OCA2: variants seen among roughly 807,000 people sequenced by gnomAD.
OCA2 encodes OCA2 melanosomal transmembrane protein, also known as P protein.
OCA2 carries 77 observed loss-of-function variants against 100.2 expected under a neutral mutation model. The observed-to-expected ratio is 0.77, with a 90% CI of 0.64 to 0.93. OCA2 has a LOEUF of 0.93. Ranked by LOEUF, OCA2 falls within the 40% of genes least tolerant of loss-of-function variation. The pLI is 0.00. For synonymous variants in OCA2, 432 were observed against 439.2 expected, an observed-to-expected ratio of 0.98 and a Z score of 0.21; for missense variants, 1,062 against 1,089.1, an observed-to-expected ratio of 0.98 and a Z score of 0.35.
At chr15:27,817,695 GATC>G (rs2034356576) in intron 23 of OCA2, among the ~76,000 whole-genome samples, 1 of 152,142 alleles carries the variant, frequency 6.6e-6, no homozygotes, top group African/African-American at 2.4e-5. Flanking sequence ...GGCGCCCTGT[GATC>G]ATTAAACTGT....
intron 14 of OCA2, among the ~76,000 whole-genome samples, chr15:27,977,898 G>A (rs906249617): frequency 2.6e-5 from 4 of 152,176 alleles, no homozygotes; most frequent in African/African-American, 9.6e-5. Context: ...CCCTCACCAG[G>A]GAATGAGATC....
At chr15:27,952,628 C>CCTTT (rs936733329) in intron 17 of OCA2, among the ~76,000 whole-genome samples, 6 of 151,956 alleles carry the variant, frequency 3.9e-5, no homozygotes, top group African/African-American at 1.5e-4. Context: ...TGCACCAGGT[C>CCTTT]CTTTCTCTTT....
the OCA2 span, among the ~76,000 whole-genome samples, chr15:27,741,469 C>T: frequency 4.8e-4 from 73 of 152,216 alleles, no homozygotes; most frequent in African/African-American, 1.4e-3. Flanking sequence ...CGTGACCCCA[C>T]GGTTGAGCAG....
At chr15:27,859,153 G>A (rs1450920832) in intron 21 of OCA2, among the ~76,000 whole-genome samples, 3 of 151,944 alleles carry the variant, frequency 2.0e-5, no homozygotes, top group Non-Finnish European at 4.4e-5. Context: ...AAAGCTAGTA[G>A]AATGAGGGAA....
chr15:27,902,668 C>G (rs2037998293), intron 19 of OCA2, among the ~76,000 whole-genome samples: 1 of 152,150 alleles, frequency 6.6e-6, no homozygotes, highest in Admixed American at 6.5e-5. Flanking sequence ...ACACAAAGAG[C>G]TAGTGTGAAG....
intron 23 of OCA2, among the ~76,000 whole-genome samples, chr15:27,829,281 A>AT (rs2034855129): frequency 1.3e-5 from 1 of 74,984 alleles, no homozygotes; most frequent in Non-Finnish European, 2.1e-5. Context: ...AAGATAGATG[A>AT]TAGATAGATA....
At chr15:27,794,036 C>A (rs747317531) in intron 23 of OCA2, among the ~76,000 whole-genome samples, 1 of 152,210 alleles carries the variant, frequency 6.6e-6, no homozygotes, top group African/African-American at 2.4e-5. Flanking sequence ...ACAGAAAATT[C>A]TCTCTAGAGA....
chr15:28,029,700 T>C (rs1458947510), intron 3 of OCA2, among the ~76,000 whole-genome samples: 2 of 152,184 alleles, frequency 1.3e-5, no homozygotes, highest in African/African-American at 4.8e-5. Context: ...GTTCCTGCTG[T>C]CAACACCCTT....
At chr15:27,870,302 T>C (rs2036495352) in intron 21 of OCA2, among the ~76,000 whole-genome samples, 1 of 152,004 alleles carries the variant, frequency 6.6e-6, no homozygotes, top group African/African-American at 2.4e-5. Context: ...CCATGGGGAG[T>C]GCTCACCAGG....
rs71132824 is a variant in OCA2, at chr15:27,831,284, C to CAAAAAAAAAAAAAAAAAAAAAA, written c.2432+13653_2432+13674dup. The stretch of plus-strand genomic sequence containing the variant: ...CTGGTGACAGAGCGAGACTCCGTCT[C>CAAAAAAAAAAAAAAAAAAAAAA]AAAAAAAAAAAAAAAAAAAAAATCG... On this transcript the variant is annotated intron_variant, in intron 23 of 23. Transcript: ENST00000354638. Among the ~76,000 whole-genome samples the CAAAAAAAAAAAAAAAAAAAAAA allele has an allele frequency of 1.3e-4, 8 of 62,632 alleles. 1 individual carries two copies. Among genetic ancestry groups the CAAAAAAAAAAAAAAAAAAAAAA allele is most frequent in the Non-Finnish European group, 1.7e-4 (6 of 35,364 alleles). 41.1% of individuals were successfully genotyped at this position (62,632 alleles called of 152,430 possible). A position where few individuals can be genotyped will look rare whatever the true frequency, so the allele number is the denominator to read the frequency against.
At chr15:27,987,684 A>G (rs1012834891) in intron 11 of OCA2, among the ~76,000 whole-genome samples, 21 of 152,170 alleles carry the variant, frequency 1.4e-4, no homozygotes, top group East Asian at 1.9e-4. Flanking sequence ...AGCCAAGATC[A>G]CGCCACTGCA....
intron 23 of OCA2, among the ~76,000 whole-genome samples, chr15:27,804,174 T>G (rs1416720481): frequency 6.6e-6 from 1 of 152,182 alleles, no homozygotes; most frequent in East Asian, 1.9e-4. Context: ...AATTTATGGG[T>G]TCATTCTGAA....
intron 8 of OCA2, 108 bp downstream of exon 8, chr15:28,015,996 G>C (rs1719648956): frequency 1.2e-6 from 1 of 837,144 alleles, no homozygotes; most frequent in Admixed American, 1.8e-5. Flanking sequence ...CAAGTCACAT[G>C]CTGACCTGGT....
intron 2 of OCA2, among the ~76,000 whole-genome samples, chr15:28,044,377 G>A (rs114234954): frequency 0.02 from 3,090 of 152,206 alleles, 106 homozygotes; most frequent in African/African-American, 0.071. Context: ...GCTCTTCTTC[G>A]AAAACCACTG....
chr15:27,809,749 C>T (rs2034000293), intron 23 of OCA2, among the ~76,000 whole-genome samples: 1 of 152,158 alleles, frequency 6.6e-6, no homozygotes, highest in African/African-American at 2.4e-5. Context: ...AAATCAAGAA[C>T]TCAATCCCTT....
chr15:28,089,766 G>C (rs2044841189), intron 1 of OCA2, among the ~76,000 whole-genome samples: 1 of 152,124 alleles, frequency 6.6e-6, no homozygotes, highest in African/African-American at 2.4e-5. Flanking sequence ...ATAAAGATGG[G>C]AACAACAGAC....
chr15:27,962,078 A>T (rs1202164659), intron 15 of OCA2, among the ~76,000 whole-genome samples: 2 of 152,234 alleles, frequency 1.3e-5, no homozygotes, highest in Non-Finnish European at 2.9e-5. Context: ...TCTAGCTATC[A>T]TCTTCCTAGA....
At chr15:28,041,930 G>C (rs1444877877) in intron 2 of OCA2, among the ~76,000 whole-genome samples, 1 of 152,124 alleles carries the variant, frequency 6.6e-6, no homozygotes, top group Non-Finnish European at 1.5e-5. Flanking sequence ...TGAGATGAGA[G>C]AGAGAGAGAG....
At chr15:27,947,569 CCT>C (rs2140558272) in intron 18 of OCA2, among the ~76,000 whole-genome samples, 1 of 152,332 alleles carries the variant, frequency 6.6e-6, no homozygotes, top group Non-Finnish European at 1.5e-5. Context: ...AGCCCATGCC[CCT>C]GATGCCTTCT....
Sources: gnomAD v4.1 joint callset for allele counts (sites outside exome capture counted in the v4.1 genomes callset) on GRCh38, gnomAD v4.1.1 for gene constraint, MANE v1.5 for transcripts, NCBI Gene and HGNC (gene_info 2026-07-23, HGNC 2026-07-21) for gene names.